The following HSD17B4 variants were observed in gnomAD, a reference collection of about 807,000 sequenced individuals.
The protein encoded by HSD17B4 is hydroxysteroid 17-beta dehydrogenase 4.
Under a neutral mutation model 101.0 loss-of-function variants are expected in HSD17B4, and 70 were observed. The ratio of observed to expected loss-of-function variants is 0.69; its 90% confidence interval spans 0.57 to 0.85. The LOEUF (loss-of-function observed/expected upper bound fraction) is 0.85, where lower values mean the gene tolerates loss of function less well. Among genes scored for constraint, HSD17B4 ranks in the 40% least tolerant of loss-of-function variants. The probability of loss-of-function intolerance (pLI) is 0.00; values close to 1 mark genes in which losing one functional copy is unlikely to be tolerated. For synonymous variants in HSD17B4, 347 were observed against 297.1 expected (o/e 1.17, Z -1.73); for missense variants, 984 against 892.4 (o/e 1.10, Z -1.31).
chr5:119,515,372 C>CA (rs1752524157), intron 17 of HSD17B4, among the ~76,000 whole-genome samples: 1 of 152,008 alleles, frequency 6.6e-6, no homozygotes, highest in South Asian at 2.1e-4. Context: ...ATGAAAGCCT[C>CA]AGAGTAAGTG....
intron 9 of HSD17B4, among the ~76,000 whole-genome samples, chr5:119,491,004 A>C (rs912791657): frequency 6.6e-5 from 10 of 152,180 alleles, no homozygotes; most frequent in Non-Finnish European, 1.2e-4. Context: ...TGATTGATAA[A>C]CTATACTAAG....
In HSD17B4 at chr5:119,514,972, T is replaced by C; in HGVS notation, c.1438-9T>C. ...ATTTAAGATTTAACATGTAATGTCT[T>C]AATTTTAGGTAGCTGTAGCCATACC... On this transcript the variant is annotated splice_polypyrimidine_tract_variant and intron_variant, in intron 16 of 23. Coordinates refer to ENST00000510025, the MANE Select transcript of HSD17B4 (RefSeq NM_000414.4). 6.8e-7 allele frequency: 1 copy of C among 1,471,380 alleles called. No individual in the cohort carries two copies. Among genetic ancestry groups the C allele is most frequent in the Admixed American group, 1.7e-5 (1 of 59,830 alleles). 91.1% of individuals were successfully genotyped at this position (1,471,380 alleles called of 1,614,324 possible).
chr5:119,499,515 T>A lies in HSD17B4; in HGVS notation c.1171T>A (p.Leu391Ile), dbSNP rs1031523207. The change falls in exon 13 of 24, where the codon TTA becomes ATA. Residue 391 changes from leucine (L) to isoleucine (I), a missense_variant. Transcript: ENST00000510025. ...IGQKSMMGGG[L>I]AEIPGLSINF... is the part of the protein sequence containing the mutation. ...TCAGAAATCTATGATGGGTGGAGGA[T>A]TAGCAGAAATTCCTGGACTTTCAAT... is the stretch of plus-strand genomic sequence containing the variant. 1.9e-6 allele frequency: 3 copies of A among 1,613,460 alleles called. No individual in the cohort carries two copies. The highest frequency in any genetic ancestry group is 1.1e-5 in the South Asian group (1 of 91,062).
intron 10 of HSD17B4, chr5:119,492,583 C>T (rs372665157): frequency 1.0e-4 from 17 of 162,320 alleles, no homozygotes; most frequent in South Asian, 5.2e-4. Context: ...AAGCAGGAGA[C>T]GTCAAGGGGA....
At chr5:119,474,130 T>A in intron 3 of HSD17B4, 115 bp downstream of exon 3, 1 of 740,626 alleles carries the variant, frequency 1.4e-6, no homozygotes, top group East Asian at 2.7e-5. Flanking sequence ...ATTTTCTAAG[T>A]CTGCCAAAGT....
chr5:119,512,909 A>G (rs1158664682), intron 16 of HSD17B4, among the ~76,000 whole-genome samples: 1 of 152,202 alleles, frequency 6.6e-6, no homozygotes, highest in Non-Finnish European at 1.5e-5. Context: ...GATTCTGGTG[A>G]TGGTTGGACA....
intron 22 of HSD17B4, among the ~76,000 whole-genome samples, chr5:119,532,499 C>G (rs1203202816): frequency 6.6e-6 from 1 of 151,912 alleles, no homozygotes; most frequent in Non-Finnish European, 1.5e-5. Context: ...GAAATTGATG[C>G]TTTACCTTCT....
intron 16 of HSD17B4, 51 bp downstream of exon 16, chr5:119,509,295 C>G (rs780808933): frequency 1.8e-6 from 2 of 1,096,444 alleles, no homozygotes; most frequent in South Asian, 1.2e-5. Flanking sequence ...GGATTCTTAC[C>G]TATACAATTG....
chr5:119,474,039 C>T (rs995083166), intron 3 of HSD17B4, 24 bp downstream of exon 3: 1 of 1,216,130 alleles, frequency 8.2e-7, no homozygotes, highest in Non-Finnish European at 1.2e-6. Context: ...GAGAACTATA[C>T]TATTTATTTT....
chr5:119,489,148 A>G lies in HSD17B4; in HGVS notation c.623-44A>G, dbSNP rs199857330. The G allele has an allele frequency of 2.4e-4, 310 of 1,304,710 alleles. 1 individual carries two copies. In the African/African-American group the frequency reaches 4.4e-3, roughly 18 times the overall value. 80.8% of individuals were successfully genotyped at this position (1,304,710 alleles called of 1,614,324 possible). A position where few individuals can be genotyped will look rare whatever the true frequency, so the allele number is the denominator to read the frequency against. On this transcript the variant is annotated intron_variant, in intron 8 of 23. Coordinates refer to ENST00000510025, the MANE Select transcript of HSD17B4 (RefSeq NM_000414.4). ...AATTTTATAAGTAAGAAATTCTTAG[A>G]AAGTAAAATGATTGATAAGATATGT...
At position 119,469,905 on chromosome 5, in the gene HSD17B4, A is replaced by G. The variant is rs1309245474; in HGVS notation, c.113-4003A>G. 2.6e-5 allele frequency among the ~76,000 whole-genome samples: 4 copies of G among 152,160 alleles called. No homozygotes were observed. The East Asian group carries it at 5.8e-4, about 22-fold the overall frequency. On this transcript the variant is annotated intron_variant, in intron 2 of 23. Transcript: ENST00000510025. The stretch of plus-strand genomic sequence containing the variant: ...CCTTGACTTTGGGGTTTGTGGAGAC[A>G]GTGGCATGGTTTTGCTGGGAACAGG...
chr5:119,462,248 A>ATTTTT (rs10524491), intron 2 of HSD17B4, among the ~76,000 whole-genome samples: 610 of 29,918 alleles, frequency 0.02, 65 homozygotes, highest in Non-Finnish European at 0.029. Context: ...AACAAATGTG[A>ATTTTT]TTTTTTTTTT....
At chr5:119,489,363 CT>C (rs1749894116) in intron 9 of HSD17B4, 80 bp downstream of exon 9, 1 of 880,370 alleles carries the variant, frequency 1.1e-6, no homozygotes, top group South Asian at 1.4e-5. Flanking sequence ...GTGGACATCA[CT>C]TGTATATTTT....
intron 1 of HSD17B4, among the ~76,000 whole-genome samples, chr5:119,455,806 T>G (rs1402115685): frequency 6.6e-6 from 1 of 152,110 alleles, no homozygotes; most frequent in Non-Finnish European, 1.5e-5. Flanking sequence ...AGGCAATACC[T>G]CTGAGGCTGT....
chr5:119,515,149 A>G, intron 17 of HSD17B4, 103 bp downstream of exon 17: 1 of 745,504 alleles, frequency 1.3e-6, no homozygotes, highest in Non-Finnish European at 2.5e-6. Flanking sequence ...TGCATAATGA[A>G]TAATATGTTA....
At chr5:119,452,663 C>T (rs898750648) in intron 1 of HSD17B4, 30 bp downstream of exon 1, 3 of 1,613,310 alleles carry the variant, frequency 1.9e-6, no homozygotes, top group Non-Finnish European at 1.7e-6. Flanking sequence ...AGGCCGCGCC[C>T]CTTGCTGAGG....
chr5:119,502,726 T>C (rs913343245), intron 14 of HSD17B4, among the ~76,000 whole-genome samples: 1 of 152,216 alleles, frequency 6.6e-6, no homozygotes, highest in African/African-American at 2.4e-5. Context: ...TTTCATGTTA[T>C]ACAATGTAGA....
intron 17 of HSD17B4, among the ~76,000 whole-genome samples, chr5:119,524,876 G>A (rs909389944): frequency 6.6e-6 from 1 of 152,080 alleles, no homozygotes; most frequent in African/African-American, 2.4e-5. Context: ...GCTTAGAGCA[G>A]ACTATAAACA....
chr5:119,509,005 C>G, intron 15 of HSD17B4, 136 bp from the exon 16 acceptor site: 1 of 658,922 alleles, frequency 1.5e-6, no homozygotes, highest in Non-Finnish European at 2.7e-6. Flanking sequence ...ACTTGGACAC[C>G]TTTACATGTT....
Sources: allele counts gnomAD v4.1 joint callset (sites outside exome capture counted in the v4.1 genomes callset), GRCh38; gene constraint gnomAD v4.1.1; transcripts MANE v1.5; gene names NCBI Gene and HGNC (gene_info 2026-07-23, HGNC 2026-07-21).